The following CRYBG1 variants were observed in gnomAD, a reference collection of about 807,000 sequenced individuals.
The protein encoded by CRYBG1 is beta/gamma crystallin domain-containing protein 1.
CRYBG1 carries 139 observed loss-of-function variants against 189.2 expected under a neutral mutation model. The observed-to-expected ratio is 0.73, with a 90% CI of 0.64 to 0.85. The LOEUF (loss-of-function observed/expected upper bound fraction) is 0.85. Ranked by LOEUF, CRYBG1 falls within the 40% of genes least tolerant of loss-of-function variation. The pLI, the probability that CRYBG1 is intolerant of heterozygous loss-of-function variation, is 0.00. For synonymous variants in CRYBG1, 1,023 were observed against 1,017.1 expected (o/e 1.01, Z -0.11); for missense variants, 2,611 against 2,675.8 (o/e 0.98, Z 0.53).
At chr6:106,427,141 C>T (rs1198730744) in intron 1 of CRYBG1, among the ~76,000 whole-genome samples, 1 of 152,156 alleles carries the variant, frequency 6.6e-6, no homozygotes, top group African/African-American at 2.4e-5. Context: ...TCTGCATTTA[C>T]TTTCTAGGTG....
intron 2 of CRYBG1, among the ~76,000 whole-genome samples, chr6:106,482,439 C>A (rs185420511): frequency 3.8e-4 from 53 of 138,576 alleles, no homozygotes; most frequent in African/African-American, 1.5e-3. Flanking sequence ...GATGGAATTA[C>A]ACAGGGAAAG....
At chr6:106,482,499 G>GGA (rs1772485238) in intron 2 of CRYBG1, among the ~76,000 whole-genome samples, 2 of 152,174 alleles carry the variant, frequency 1.3e-5, no homozygotes, top group African/African-American at 2.4e-5. Context: ...CTTCTGGCCA[G>GGA]GCATGGTGGC....
chr6:106,436,392 G>C (rs945352947), intron 1 of CRYBG1, among the ~76,000 whole-genome samples: 1 of 150,916 alleles, frequency 6.6e-6, no homozygotes, highest in South Asian at 2.1e-4. Flanking sequence ...TCCGCCTCCC[G>C]GGTTCACTCC....
At chr6:106,513,405 T>C (rs1341986306) in intron 3 of CRYBG1, among the ~76,000 whole-genome samples, 1 of 152,226 alleles carries the variant, frequency 6.6e-6, no homozygotes, top group African/African-American at 2.4e-5. Context: ...GTTCTTAAAA[T>C]GCATGTGCTG....
At chr6:106,522,446 T>G (rs868055594) in intron 4 of CRYBG1, among the ~76,000 whole-genome samples, 9 of 152,352 alleles carry the variant, frequency 5.9e-5, no homozygotes, top group Admixed American at 2.0e-4. Flanking sequence ...AACATGATTT[T>G]GGGGAATAAT....
chr6:106,478,640 C>A (rs942414941), intron 2 of CRYBG1, among the ~76,000 whole-genome samples: 1 of 152,222 alleles, frequency 6.6e-6, no homozygotes, highest in Non-Finnish European at 1.5e-5. Flanking sequence ...GGGCCCCCGA[C>A]CCCTGGACCA....
At chr6:106,499,932 T>G (rs1443713111) in intron 2 of CRYBG1, among the ~76,000 whole-genome samples, 1 of 152,216 alleles carries the variant, frequency 6.6e-6, no homozygotes, top group African/African-American at 2.4e-5. Flanking sequence ...TATCCTTCTG[T>G]GCCTGGCTTA....
chr6:106,414,657 A>G (rs1306868241), intron 1 of CRYBG1, among the ~76,000 whole-genome samples: 1 of 152,212 alleles, frequency 6.6e-6, no homozygotes. Flanking sequence ...AAAACACTGC[A>G]GGCAATGTTA....
At chr6:106,497,007 G>T (rs577004748) in intron 2 of CRYBG1, among the ~76,000 whole-genome samples, 1 of 152,334 alleles carries the variant, frequency 6.6e-6, no homozygotes, top group South Asian at 2.1e-4. Flanking sequence ...AAGGCAGAGA[G>T]AAGGCATCTG....
At position 106,512,402 on chromosome 6, in the gene CRYBG1, G is replaced by A. The variant is rs753454001; in HGVS notation, c.1285G>A (p.Asp429Asn). ...GRRRGSQKST[D>N]SPGADAELPE... ...GCGGAGGGGGTCGCAGAAATCCACC[G>A]ACTCCCCCGGCGCGGACGCCGAGCT... is the stretch of plus-strand genomic sequence containing the variant. The change falls in exon 3 of 22, where the codon GAC becomes AAC. Residue 429 changes from aspartate to asparagine, a missense_variant. Asp to Asn is a conservative substitution (Grantham distance 23). This residue lies in a region of CRYBG1 where 985 missense variants were observed against 924.4 expected (regional missense o/e 1.07). Transcript: ENST00000633556. The A allele has an allele frequency of 2.4e-5, 38 of 1,608,764 alleles. No individual in the cohort carries two copies. Among genetic ancestry groups the A allele is most frequent in the Non-Finnish European group, 8.5e-7 (1 of 1,178,402 alleles).
intron 1 of CRYBG1, among the ~76,000 whole-genome samples, chr6:106,403,373 C>A (rs1582743431): frequency 2.0e-5 from 3 of 150,672 alleles, no homozygotes; most frequent in African/African-American, 7.5e-5. Flanking sequence ...GTGACTGGAA[C>A]ACAGAGAGCA....
chr6:106,455,948 C>G (rs773733193), intron 2 of CRYBG1, among the ~76,000 whole-genome samples: 11 of 152,118 alleles, frequency 7.2e-5, no homozygotes, highest in South Asian at 2.1e-4. Context: ...TAGACTATTG[C>G]TAAATCACTG....
chr6:106,364,884 C>T (rs1771951388), intron 1 of CRYBG1, among the ~76,000 whole-genome samples: 2 of 152,194 alleles, frequency 1.3e-5, no homozygotes, highest in Non-Finnish European at 2.9e-5. Flanking sequence ...AAATGGGAAT[C>T]ATAAGAGTTG....
intron 13 of CRYBG1, among the ~76,000 whole-genome samples, chr6:106,547,987 C>T (rs568147432): frequency 1.2e-4 from 18 of 152,276 alleles, no homozygotes; most frequent in African/African-American, 4.3e-4. Flanking sequence ...CAGATGAAAA[C>T]GAAAAGTGTT....
chr6:106,399,578 C>T (rs546906274), intron 1 of CRYBG1, among the ~76,000 whole-genome samples: 1 of 152,142 alleles, frequency 6.6e-6, no homozygotes, highest in South Asian at 2.1e-4. Context: ...GCAGTATTCT[C>T]TTATGGCTTA....
At chr6:106,561,544 G>A in intron 20 of CRYBG1, 44 bp downstream of exon 20, 1 of 1,575,674 alleles carries the variant, frequency 6.3e-7, no homozygotes, top group Middle Eastern at 1.7e-4. Context: ...GCTTTGCTAG[G>A]AGGTGACTCA....
chr6:106,451,936 T>G, intron 2 of CRYBG1, 104 bp downstream of exon 2: 1 of 741,482 alleles, frequency 1.3e-6, no homozygotes, highest in Non-Finnish European at 1.9e-6. Context: ...AAAGTAATGG[T>G]ATATATTGTA....
chr6:106,520,876 AGAACAGG>A lies in CRYBG1; in HGVS notation c.3671_3677del (p.Asn1224ThrfsTer12). Reference sequence around the variant, plus strand: ...GTGATGCCGGAAATCAATGACAAAGAGAACAGGGACGTCACAAATGGTGGCATTAAGA... The same window carrying A: ...GTGATGCCGGAAATCAATGACAAAGAGACGTCACAAATGGTGGCATTAAGA... On this transcript the variant is annotated frameshift_variant, in exon 4 of 22. Transcript: ENST00000633556. LOFTEE classifies it high-confidence loss of function. 3.7e-6 allele frequency: 6 copies of A among 1,614,220 alleles called. No individual in the cohort carries two copies. Among genetic ancestry groups the A allele is most frequent in the Non-Finnish European group, 4.2e-6 (5 of 1,180,038 alleles).
chr6:106,566,065 A>G (rs973197367), intron 21 of CRYBG1, among the ~76,000 whole-genome samples: 4 of 151,794 alleles, frequency 2.6e-5, no homozygotes, highest in South Asian at 2.1e-4. Context: ...GGACAACACT[A>G]TGATCCTTAG....
Sources: gnomAD v4.1 joint callset for allele counts (sites outside exome capture counted in the v4.1 genomes callset) on GRCh38, gnomAD v4.1.1 for gene constraint, gnomAD v4.1.1 regional missense constraint, MANE v1.5 for transcripts, NCBI Gene and HGNC (gene_info 2026-07-23, HGNC 2026-07-21) for gene names.